The following FRMD6 variants were observed in gnomAD, a reference collection of about 807,000 sequenced individuals.
FRMD6 encodes the protein FERM domain-containing protein 6.
A neutral mutation model predicts 73.2 loss-of-function variants in FRMD6; 37 were observed. The observed-to-expected ratio is 0.51, with a 90% confidence interval of 0.39 to 0.66. The LOEUF (loss-of-function observed/expected upper bound fraction) is 0.66, where lower values mean the gene tolerates loss of function less well. FRMD6 is among the 30% of genes least tolerant of loss of function. The pLI is 0.00. For synonymous variants in FRMD6, 273 were observed against 282.2 expected, an observed-to-expected ratio of 0.97 and a Z score of 0.33; for missense variants, 714 against 780.5, an observed-to-expected ratio of 0.91 and a Z score of 1.02.
the FRMD6 span, among the ~76,000 whole-genome samples, chr14:51,481,670 C>T: frequency 6.6e-6 from 1 of 152,218 alleles, no homozygotes; most frequent in Non-Finnish European, 1.5e-5. Flanking sequence ...CTATTATTAT[C>T]GTTCTTACAC....
chr14:51,528,736 A>G (rs992211009), intron 1 of FRMD6, among the ~76,000 whole-genome samples: 5 of 152,206 alleles, frequency 3.3e-5, no homozygotes, highest in African/African-American at 4.8e-5. Context: ...AAATCATTTG[A>G]TAGTTCTGAT....
intron 1 of FRMD6, among the ~76,000 whole-genome samples, chr14:51,567,603 G>A (rs1226303349): frequency 6.6e-6 from 1 of 152,188 alleles, no homozygotes; most frequent in East Asian, 1.9e-4. Flanking sequence ...GCCTCCCAAA[G>A]TGGTAGGATT....
At chr14:51,577,706 G>T (rs1888482686) in intron 2 of FRMD6, among the ~76,000 whole-genome samples, 1 of 152,150 alleles carries the variant, frequency 6.6e-6, no homozygotes, top group African/African-American at 2.4e-5. Flanking sequence ...ACAGAAGTTG[G>T]TCAGAAAGTG....
intron 1 of FRMD6, among the ~76,000 whole-genome samples, chr14:51,524,234 G>C (rs112225739): frequency 4.3e-4 from 66 of 152,130 alleles, no homozygotes; most frequent in African/African-American, 1.6e-3. Context: ...TTATTTTTCT[G>C]TGCCCCACCT....
chr14:51,646,562 T>C (rs1892085241), intron 2 of FRMD6, among the ~76,000 whole-genome samples: 1 of 151,586 alleles, frequency 6.6e-6, no homozygotes, highest in Admixed American at 6.6e-5. Flanking sequence ...TAAGCTTTTT[T>C]TTCCCCCAGG....
chr14:51,422,659 T>G, the FRMD6 span, among the ~76,000 whole-genome samples: 2 of 152,244 alleles, frequency 1.3e-5, no homozygotes, highest in African/African-American at 2.4e-5. Flanking sequence ...AAAATTTATA[T>G]TGAACTCTTT....
At chr14:51,514,162 A>G (rs1335962170) in intron 1 of FRMD6, among the ~76,000 whole-genome samples, 1 of 152,168 alleles carries the variant, frequency 6.6e-6, no homozygotes, top group Non-Finnish European at 1.5e-5. Context: ...CCCTGGTTAC[A>G]GCTAAATTGA....
At chr14:51,628,930 G>A (rs1379717971) in intron 2 of FRMD6, among the ~76,000 whole-genome samples, 1 of 130,030 alleles carries the variant, frequency 7.7e-6, no homozygotes, top group East Asian at 2.3e-4. Context: ...AGGCTGGAGT[G>A]CAGTGACGCA....
upstream of FRMD6, chr14:51,649,415 T>C (rs1037160437): frequency 2.0e-5 from 3 of 152,226 alleles, no homozygotes; most frequent in African/African-American, 7.2e-5. Context: ...TTGTTTTACC[T>C]AATTATATTT....
intron 1 of FRMD6, among the ~76,000 whole-genome samples, chr14:51,661,611 A>G (rs1250287695): frequency 6.6e-6 from 1 of 152,166 alleles, no homozygotes; most frequent in Non-Finnish European, 1.5e-5. Flanking sequence ...ATGTCCTTGT[A>G]GTCAAAGAAA....
the FRMD6 span, among the ~76,000 whole-genome samples, chr14:51,403,326 A>T: frequency 6.6e-6 from 1 of 152,210 alleles, no homozygotes; most frequent in Non-Finnish European, 1.5e-5. Flanking sequence ...GACCTATAAA[A>T]CATATTGTTT....
intron 1 of FRMD6, chr14:51,522,804 A>T (rs913870771): frequency 6.6e-6 from 1 of 152,248 alleles, no homozygotes; most frequent in Non-Finnish European, 1.5e-5. Flanking sequence ...CCTACTTTGG[A>T]CAAAGTTAAA....
chr14:51,471,183 G>A, the FRMD6 span, among the ~76,000 whole-genome samples: 14 of 152,064 alleles, frequency 9.2e-5, no homozygotes, highest in Admixed American at 8.5e-4. Context: ...AGATGCATAT[G>A]CATTTATAAT....
At chr14:51,718,482 T>A (rs1165516618) in intron 10 of FRMD6, among the ~76,000 whole-genome samples, 1 of 152,268 alleles carries the variant, frequency 6.6e-6, no homozygotes, top group Admixed American at 6.5e-5. Context: ...TTTTTTCTCT[T>A]CACTTGCCAC....
chr14:51,644,634 G>A (rs1300159327), intron 2 of FRMD6, among the ~76,000 whole-genome samples: 4 of 152,104 alleles, frequency 2.6e-5, no homozygotes, highest in African/African-American at 4.8e-5. Flanking sequence ...ACAATGATTT[G>A]TATATTAAGT....
Position 51,708,066 on chromosome 14 carries a change from G to A in FRMD6, c.559-12G>A, listed in dbSNP as rs1248546569. On this transcript the variant is annotated splice_polypyrimidine_tract_variant and intron_variant, in intron 6 of 13. Coordinates refer to ENST00000344768, the MANE Select transcript of FRMD6 (RefSeq NM_001267046.2). Reference sequence around the variant, plus strand: ...ACAAATGTTGCATTGCACACCCCTTGTATCCCAACAGGTTGTTTCCAAGAG... The same window carrying A: ...ACAAATGTTGCATTGCACACCCCTTATATCCCAACAGGTTGTTTCCAAGAG... The A allele has an allele frequency of 1.9e-6, 3 of 1,612,422 alleles. No homozygotes were observed. The highest frequency in any genetic ancestry group is 2.5e-6 in the Non-Finnish European group (3 of 1,179,046).
At chr14:51,450,533 G>C in the FRMD6 span, among the ~76,000 whole-genome samples, 2 of 152,194 alleles carry the variant, frequency 1.3e-5, no homozygotes, top group African/African-American at 4.8e-5. Flanking sequence ...GTCGAGGAGA[G>C]ATGCAGGCTC....
At position 51,532,473 on chromosome 14, in the gene FRMD6, C is replaced by T. The variant is rs538075581; in HGVS notation, c.-209-37875C>T. Reference sequence around the variant, plus strand: ...TTTGCTGACAACAATTATATTCATTCAGATTGAAGAGAAAATGAATAAAAT... The same window carrying T: ...TTTGCTGACAACAATTATATTCATTTAGATTGAAGAGAAAATGAATAAAAT... On this transcript the variant is annotated intron_variant, in intron 1 of 14. Coordinates refer to the FRMD6 transcript ENST00000356218. Among the ~76,000 whole-genome samples the T allele has an allele frequency of 2.6e-5, 4 of 151,776 alleles. No individual in the cohort carries two copies. The South Asian group carries it at 8.3e-4, about 32-fold the overall frequency.
intron 1 of FRMD6, among the ~76,000 whole-genome samples, chr14:51,667,754 G>T (rs1296980515): frequency 6.6e-6 from 1 of 152,058 alleles, no homozygotes; most frequent in Non-Finnish European, 1.5e-5. Context: ...TTAAAATCAG[G>T]AACAGTTTTT....
Sources: allele counts gnomAD v4.1 joint callset (sites outside exome capture counted in the v4.1 genomes callset), GRCh38; gene constraint gnomAD v4.1.1; transcripts MANE v1.5; gene names NCBI Gene and HGNC (gene_info 2026-07-23, HGNC 2026-07-21).